Variants in KMT2A observed in about 807,000 individuals in gnomAD.
The protein encoded by KMT2A is histone-lysine N-methyltransferase 2A.
In KMT2A, 16 loss-of-function variants were observed where a neutral mutation model predicts 345.3. The ratio of observed to expected loss-of-function variants is 0.05; its 90% CI spans 0.03 to 0.07. The LOEUF is 0.07. Ranked by LOEUF, KMT2A falls within the 10% of genes least tolerant of loss-of-function variation. The pLI is 1.00. For synonymous variants in KMT2A, 1,599 were observed against 1,778.6 expected (o/e 0.90, Z 2.54); for missense variants, 3,272 against 4,841.6 (o/e 0.68, Z 9.62).
chr11:118,518,774 T>G, intron 31 of KMT2A, among the ~76,000 whole-genome samples: 2 of 97,092 alleles, frequency 2.1e-5, no homozygotes, highest in Non-Finnish European at 2.0e-5. Context: ...GGAGTTAGAG[T>G]CTGTCTCAAA....
Position 118,491,149 on chromosome 11 carries a change from C to T in KMT2A, c.4697-47C>T, listed in dbSNP as rs782169177. On this transcript the variant is annotated intron_variant, in intron 13 of 35. Coordinates refer to ENST00000534358, the MANE Select transcript of KMT2A (RefSeq NM_001197104.2). The surrounding 1 kb of genome is among the most constrained non-coding windows in gnomAD (Gnocchi z 4.2). ...ATGCAAGTCGAGGGCCGTAAAAACA[C>T]GGGTATGTGAGCCAAAGCACTGCTG... 1.3e-5 allele frequency: 20 copies of T among 1,597,140 alleles called. No homozygotes were observed. The highest frequency in any genetic ancestry group is 5.3e-5 in the Admixed American group (3 of 56,792).
rs142830885 is a variant in KMT2A, at chr11:118,499,836, G to A, written c.6081G>A (p.Gly2027=). The part of the protein sequence containing the change: ...LEPENIHMMI[G]SMTIDCLGIL... ...ATCGGTTCTTCTTTCCTTGGTCAGG[G>A]TCTATGACAATCGACTGCTTAGGAA... The change falls in exon 24 of 36, where the codon GGG becomes GGA. Residue 2027 remains glycine (G), a splice_region_variant and synonymous_variant. Coordinates refer to ENST00000534358, the MANE Select transcript of KMT2A (RefSeq NM_001197104.2). The A allele has an allele frequency of 1.2e-6, 2 of 1,607,216 alleles. No homozygotes were observed. The highest frequency in any genetic ancestry group is 2.7e-5 in the African/African-American group (2 of 74,868).
At position 118,473,928 on chromosome 11, in the gene KMT2A, T is replaced by G; in HGVS notation, c.2769T>G (p.Thr923=). 2 of 1,614,110 alleles carry G rather than the reference T, an allele frequency of 1.2e-6. No individual in the cohort carries two copies. The highest frequency in any genetic ancestry group is 1.7e-6 in the Non-Finnish European group (2 of 1,179,990). ...AGGTTGTTGGTGAAGATGTTGCCAC[T>G]TCATCTTCTGCCAAAAAAGCAACAG... ...KEKVVGEDVA[T]SSSAKKATGR... is the part of the protein sequence containing the mutation. Residue 923 remains threonine (T), a synonymous_variant, in exon 3 of 36, where the codon ACT becomes ACG. Transcript: ENST00000534358. The surrounding 1 kb of genome is among the most constrained non-coding windows in gnomAD (Gnocchi z 5.2).
At chr11:118,439,095 G>T (rs781812939) in intron 1 of KMT2A, 2 of 510,632 alleles carry the variant, frequency 3.9e-6, no homozygotes, top group Non-Finnish European at 7.8e-6. Flanking sequence ...AACCGTTCAG[G>T]TTACTTGCAT....
At chr11:118,449,033 A>G (rs2134191777) in intron 1 of KMT2A, 1 of 152,316 alleles carries the variant, frequency 6.6e-6, no homozygotes, top group Non-Finnish European at 1.5e-5. Flanking sequence ...AAATTGTCTT[A>G]CGATTCTTTG....
intron 1 of KMT2A, chr11:118,447,811 C>G: frequency 4.2e-6 from 1 of 240,830 alleles, no homozygotes; most frequent in Admixed American, 5.2e-5. Flanking sequence ...AGCGGTTTCC[C>G]AGCTCCACTG....
rs782422569 is a variant in KMT2A at position 118,436,511 on chromosome 11, A to G, written c.-2A>G. 2 of 1,261,196 alleles carry G rather than the reference A, an allele frequency of 1.6e-6. No individual in the cohort carries two copies. Among genetic ancestry groups the G allele is most frequent in the Non-Finnish European group, 2.0e-6 (2 of 992,340 alleles). The allele number at this position is 1,261,196 out of a possible 1,614,324, so 78.1% of individuals were successfully genotyped here. A position where few individuals can be genotyped will look rare whatever the true frequency, so the allele number is the denominator to read the frequency against. On this transcript the variant is annotated 5_prime_UTR_variant, in exon 1 of 36. Transcript: ENST00000534358. This position sits in a 1 kb window ranked among gnomAD's most constrained non-coding sequence, Gnocchi z 6.9. ...CTCGCTGCTTCACTTCACGGGGCGA[A>G]CATGGCGCACAGCTGTCGGTGGCGC...
chr11:118,468,980 T>A lies in KMT2A; in HGVS notation c.502+136T>A, dbSNP rs1949897371. 9 of 481,494 alleles carry A rather than the reference T, an allele frequency of 1.9e-5. No individual in the cohort carries two copies. The South Asian group carries it at 2.8e-4, about 15-fold the overall frequency. The allele number at this position is 481,494 out of a possible 1,614,324, so 29.8% of individuals were successfully genotyped here. A position where few individuals can be genotyped will look rare whatever the true frequency, so the allele number is the denominator to read the frequency against. On this transcript the variant is annotated intron_variant, in intron 2 of 35. Transcript: ENST00000534358. ...AATGGCTGATGAGCTAGACTTCTTT[T>A]TATTTATTTATTTATTTATTATTGT...
Position 118,481,936 on chromosome 11 carries a change from G to T in KMT2A, c.3856G>T (p.Ala1286Ser), listed in dbSNP as rs1555039392. Residue 1286 changes from alanine to serine, a missense_variant, in exon 7 of 36, where the codon GCC (alanine) becomes TCC (serine). This residue lies in a region of KMT2A where 168 missense variants were observed against 216.0 expected (regional missense o/e 0.78). Coordinates refer to ENST00000534358, the MANE Select transcript of KMT2A (RefSeq NM_001197104.2). Reference sequence around the variant, plus strand: ...GGCCCCTGGGCCTGAATCCAAACAGGCCACCACTCCAGCTTCCAGGAAGTC... The same window carrying T: ...GGCCCCTGGGCCTGAATCCAAACAGTCCACCACTCCAGCTTCCAGGAAGTC... Reference protein sequence around the residue: ...VSAPGPESKQATTPASRKSSK... With the variant: ...VSAPGPESKQSTTPASRKSSK... 6.2e-7 allele frequency: 1 copy of T among 1,614,036 alleles called. No individual in the cohort carries two copies. The highest frequency in any genetic ancestry group is 1.3e-5 in the African/African-American group (1 of 74,904).
intron 6 of KMT2A, 49 bp downstream of exon 6, chr11:118,480,287 T>C (rs1555038880): frequency 1.5e-6 from 2 of 1,348,088 alleles, no homozygotes; most frequent in East Asian, 2.3e-5. Context: ...GCTTAAATGG[T>C]GTATAGTTGT....
intron 31 of KMT2A, among the ~76,000 whole-genome samples, chr11:118,514,860 T>C (rs1950775665): frequency 6.6e-6 from 1 of 152,180 alleles, no homozygotes. Context: ...CTTGAACTCC[T>C]GACCTCAGGT....
At position 118,484,327 on chromosome 11, in the gene KMT2A, A is replaced by C. The variant is rs781870373; in HGVS notation, c.4218+13A>C. ...AGTGGACTTTAAGGTAAAGGTGTTC[A>C]GTGATCATAAAGTATATTGAGTGTC... On this transcript the variant is annotated intron_variant, in intron 9 of 35. Coordinates refer to ENST00000534358, the MANE Select transcript of KMT2A (RefSeq NM_001197104.2). This position sits in a 1 kb window ranked among gnomAD's most constrained non-coding sequence, Gnocchi z 4.1. 2.5e-6 allele frequency: 4 copies of C among 1,613,414 alleles called. No homozygotes were observed. The highest frequency in any genetic ancestry group is 3.4e-6 in the Non-Finnish European group (4 of 1,179,642).
intron 31 of KMT2A, among the ~76,000 whole-genome samples, chr11:118,517,498 C>T (rs1021960519): frequency 2.6e-5 from 4 of 151,974 alleles, no homozygotes; most frequent in East Asian, 1.9e-4. Flanking sequence ...TGTTACATAC[C>T]TAAGCCAAAT....
At chr11:118,459,533 A>T (rs1260541250) in intron 1 of KMT2A, among the ~76,000 whole-genome samples, 1 of 152,176 alleles carries the variant, frequency 6.6e-6, no homozygotes, top group Non-Finnish European at 1.5e-5. Flanking sequence ...CCTAGGCTGT[A>T]TTCATCTGAG....
At position 118,505,431 on chromosome 11, in the gene KMT2A, TCAG is replaced by T. The variant is rs782019225; in HGVS notation, c.9542_9544del (p.Ser3181del). ...ACTCAAAGTAGTTTCCCACCAAACA[TCAG>T]CAATCCTCCTTCAGGCCTGCTTATT... is the stretch of plus-strand genomic sequence containing the variant. On this transcript the variant is annotated inframe_deletion, in exon 27 of 36. Coordinates refer to ENST00000534358, the MANE Select transcript of KMT2A (RefSeq NM_001197104.2). This position sits in a 1 kb window ranked among gnomAD's most constrained non-coding sequence, Gnocchi z 4.6. 6.2e-7 allele frequency: 1 copy of T among 1,614,140 alleles called. No individual in the cohort carries two copies. Among genetic ancestry groups the T allele is most frequent in the East Asian group, 2.2e-5 (1 of 44,878 alleles).
chr11:118,445,074 A>G (rs1949391179), intron 1 of KMT2A, among the ~76,000 whole-genome samples: 1 of 152,174 alleles, frequency 6.6e-6, no homozygotes, highest in African/African-American at 2.4e-5. Context: ...TTTTTCATCA[A>G]AATAACTGGT....
intron 10 of KMT2A, 79 bp downstream of exon 10, chr11:118,485,054 G>C: frequency 1.1e-6 from 1 of 892,618 alleles, no homozygotes. Context: ...AGTCTGTTTT[G>C]TTGGTATTTA....
rs1555044525 is a variant in KMT2A at position 118,498,034 on chromosome 11, A to G, written c.5763A>G (p.Leu1921=). 7 of 1,614,172 alleles carry G rather than the reference A, an allele frequency of 4.3e-6. No individual in the cohort carries two copies. The highest frequency in any genetic ancestry group is 5.9e-6 in the Non-Finnish European group (7 of 1,180,010). The change falls in exon 21 of 36, where the codon CTA becomes CTG. Residue 1921 remains leucine, a synonymous_variant. Transcript: ENST00000534358. This position sits in a 1 kb window ranked among gnomAD's most constrained non-coding sequence, Gnocchi z 4.4. ...AEVFEDDDGS[L]KNVHMAVIRG... ...TGTTTGAAGATGATGACGGATCACT[A>G]AAGAATGTGCATATGGCTGTGATCA... is the stretch of plus-strand genomic sequence containing the variant.
chr11:118,509,834 A>G (rs112133791), intron 29 of KMT2A, 114 bp from the exon 30 acceptor site: 77 of 738,304 alleles, frequency 1.0e-4, no homozygotes, highest in African/African-American at 7.3e-5. Flanking sequence ...GGAATAATAA[A>G]CCAACTGTGG....
Sources: allele counts gnomAD v4.1 joint callset (sites outside exome capture counted in the v4.1 genomes callset), GRCh38; gene constraint gnomAD v4.1.1; regional missense constraint gnomAD v4.1.1; non-coding constraint Gnocchi (gnomAD v3.1); transcripts MANE v1.5; gene names NCBI Gene and HGNC (gene_info 2026-07-23, HGNC 2026-07-21).